Variants in RALYL observed in about 807,000 individuals in gnomAD.
RALYL encodes the protein RNA-binding Raly-like protein.
RALYL carries 29 observed loss-of-function variants against 35.1 expected under a neutral mutation model. The ratio of observed to expected loss-of-function variants is 0.83; its 90% CI spans 0.61 to 1.13. The LOEUF (loss-of-function observed/expected upper bound fraction) is 1.13, where lower values mean the gene tolerates loss of function less well. Ranked by LOEUF, RALYL falls within the 50% of genes most tolerant of loss-of-function variation. RALYL has a pLI of 0.00. For synonymous variants in RALYL, 120 were observed against 127.6 expected (o/e 0.94, Z 0.40); for missense variants, 359 against 360.4 (o/e 1.00, Z 0.03).
intron 5 of RALYL, among the ~76,000 whole-genome samples, chr8:84,852,215 C>G (rs1174119259): frequency 1.3e-5 from 2 of 152,198 alleles, no homozygotes; most frequent in African/African-American, 4.8e-5. Context: ...ACAACTGTAA[C>G]TTCATTGCTG....
intron 1 of RALYL, among the ~76,000 whole-genome samples, chr8:84,372,618 A>G (rs941690519): frequency 4.6e-5 from 7 of 151,916 alleles, no homozygotes; most frequent in African/African-American, 1.7e-4. Flanking sequence ...CTGGCATGAG[A>G]TTGTAGTCCC....
intron 2 of RALYL, among the ~76,000 whole-genome samples, chr8:84,773,520 A>G (rs1351956891): frequency 6.6e-6 from 1 of 152,050 alleles, no homozygotes; most frequent in African/African-American, 2.4e-5. Flanking sequence ...CAACTTTCCA[A>G]TTTCTTAACA....
At chr8:84,719,770 T>A (rs993171914) in intron 2 of RALYL, among the ~76,000 whole-genome samples, 1 of 152,254 alleles carries the variant, frequency 6.6e-6, no homozygotes, top group Admixed American at 6.5e-5. Flanking sequence ...TTTCATCATC[T>A]CTTTGTGGGG....
chr8:84,621,174 T>C (rs1161164142), intron 2 of RALYL, among the ~76,000 whole-genome samples: 1 of 152,162 alleles, frequency 6.6e-6, no homozygotes, highest in Non-Finnish European at 1.5e-5. Flanking sequence ...CAATGGTGGG[T>C]GCCCCTCCCC....
At chr8:84,842,317 C>T (rs1833595061) in intron 4 of RALYL, among the ~76,000 whole-genome samples, 2 of 152,116 alleles carry the variant, frequency 1.3e-5, no homozygotes, top group South Asian at 4.1e-4. Flanking sequence ...ATACAAACTA[C>T]CATCAGGGAA....
chr8:84,814,866 A>G (rs1826815142), intron 4 of RALYL, among the ~76,000 whole-genome samples: 2 of 152,342 alleles, frequency 1.3e-5, no homozygotes, highest in South Asian at 4.1e-4. Context: ...ATACACCTAG[A>G]GTGAGGCATG....
chr8:84,306,452 T>C (rs1011160013), intron 1 of RALYL, among the ~76,000 whole-genome samples: 2 of 152,190 alleles, frequency 1.3e-5, no homozygotes, highest in African/African-American at 4.8e-5. Flanking sequence ...TTTGGTGTTA[T>C]CATGGATTCA....
chr8:84,576,424 A>T (rs1809447606), intron 2 of RALYL, among the ~76,000 whole-genome samples: 3 of 152,216 alleles, frequency 2.0e-5, no homozygotes, highest in African/African-American at 7.2e-5. Flanking sequence ...CAATTGTGCC[A>T]ACTTTGATTT....
intron 4 of RALYL, among the ~76,000 whole-genome samples, chr8:84,849,567 T>C (rs558082900): frequency 2.1e-5 from 3 of 144,746 alleles, no homozygotes; most frequent in African/African-American, 8.6e-5. Context: ...TTTTGTTTTT[T>C]TTTTTTTGAG....
chr8:84,647,976 T>C (rs760306265), intron 2 of RALYL, among the ~76,000 whole-genome samples: 12 of 152,140 alleles, frequency 7.9e-5, no homozygotes, highest in Non-Finnish European at 1.0e-4. Flanking sequence ...CATGTCAAAG[T>C]ATTTCCCTAT....
intron 2 of RALYL, among the ~76,000 whole-genome samples, chr8:84,762,150 G>T (rs1053662129): frequency 6.6e-6 from 1 of 152,102 alleles, no homozygotes; most frequent in Non-Finnish European, 1.5e-5. Context: ...AAGGGCAAGA[G>T]AGGGAATGCA....
intron 1 of RALYL, among the ~76,000 whole-genome samples, chr8:84,385,965 T>G (rs1320901259): frequency 6.6e-6 from 1 of 151,846 alleles, no homozygotes; most frequent in Non-Finnish European, 1.5e-5. Context: ...TCAAGGTGGC[T>G]TTATTATATT....
At chr8:84,671,567 T>A (rs1833248888) in intron 2 of RALYL, among the ~76,000 whole-genome samples, 1 of 152,156 alleles carries the variant, frequency 6.6e-6, no homozygotes, top group Non-Finnish European at 1.5e-5. Context: ...CAAACTTCAA[T>A]TCCTGACTTC....
intron 2 of RALYL, among the ~76,000 whole-genome samples, chr8:84,728,835 T>C (rs1845536573): frequency 6.6e-6 from 1 of 152,180 alleles, no homozygotes. Context: ...TTGATCTATA[T>C]CTCTGTTTTG....
At chr8:84,264,065 C>T (rs1018796624) in intron 1 of RALYL, among the ~76,000 whole-genome samples, 1 of 152,154 alleles carries the variant, frequency 6.6e-6, no homozygotes, top group Admixed American at 6.6e-5. Flanking sequence ...AATAGTGCTG[C>T]AGTGAACATA....
intron 2 of RALYL, among the ~76,000 whole-genome samples, chr8:84,742,952 C>A (rs184535880): frequency 1.3e-5 from 2 of 151,878 alleles, no homozygotes; most frequent in African/African-American, 4.8e-5. Flanking sequence ...AATGTGAGAT[C>A]CTTGAATAAC....
intron 8 of RALYL, among the ~76,000 whole-genome samples, chr8:84,899,498 T>G (rs777076445): frequency 3.9e-5 from 6 of 152,210 alleles, no homozygotes; most frequent in Non-Finnish European, 5.9e-5. Context: ...TTTTATTGTC[T>G]GTCATAATCA....
chr8:84,582,476 GA>G (rs371285749), intron 2 of RALYL, among the ~76,000 whole-genome samples: 1 of 149,632 alleles, frequency 6.7e-6, no homozygotes, highest in Non-Finnish European at 1.5e-5. Context: ...CAATGTAACT[GA>G]AAAAAAAAGG....
At chr8:84,227,052 A>ATTTTTT (rs1554580116) in intron 1 of RALYL, among the ~76,000 whole-genome samples, 1 of 56,894 alleles carries the variant, frequency 1.8e-5, no homozygotes, top group Non-Finnish European at 3.5e-5. Context: ...AAAAAATTGT[A>ATTTTTT]TTTCTTTTTT....
Sources: gnomAD v4.1 joint callset for allele counts (sites outside exome capture counted in the v4.1 genomes callset) on GRCh38, gnomAD v4.1.1 for gene constraint, MANE v1.5 for transcripts, NCBI Gene and HGNC (gene_info 2026-07-23, HGNC 2026-07-21) for gene names.